The following FAR1 variants were observed in gnomAD, a reference collection of about 807,000 sequenced individuals.
FAR1 encodes the protein male sterility domain-containing protein 2.
A neutral mutation model predicts 61.1 loss-of-function variants in FAR1; 22 were observed. That is an observed-to-expected ratio of 0.36 (90% CI 0.26 to 0.51). The LOEUF (loss-of-function observed/expected upper bound fraction) is 0.51, where lower values mean the gene tolerates loss of function less well. FAR1 is among the 20% of genes least tolerant of loss of function. The pLI is 0.95. For missense variants in FAR1, 359 were observed against 626.9 expected (o/e 0.57, Z 4.56); for synonymous variants, 206 against 209.7 (o/e 0.98, Z 0.15).
Position 13,712,009 on chromosome 11 carries a change from A to G in FAR1, c.850A>G (p.Met284Val). ...TGTTCCTGTAGATGTAGTTGTCAAC[A>G]TGAGTCTTGCGGCAGCCTGGTATTC... The part of the protein sequence containing the change: ...DLVPVDVVVN[M>V]SLAAAWYSGV... Residue 284 changes from methionine to valine, a missense_variant, in exon 7 of 12, where the codon ATG becomes GTG. Met to Val is a conservative substitution (Grantham distance 21, BLOSUM62 1). Transcript: ENST00000354817. The G allele has an allele frequency of 2.5e-6, 4 of 1,613,344 alleles. No individual in the cohort carries two copies. The highest frequency in any genetic ancestry group is 1.3e-5 in the African/African-American group (1 of 75,004).
At chr11:13,706,140 C>G (rs1290866910) in intron 3 of FAR1, among the ~76,000 whole-genome samples, 1 of 151,912 alleles carries the variant, frequency 6.6e-6, no homozygotes, top group Non-Finnish European at 1.5e-5. Context: ...TCTAATTTTA[C>G]TTTTAAAACA....
At chr11:13,713,697 C>T (rs189571572) in intron 8 of FAR1, among the ~76,000 whole-genome samples, 130 of 151,858 alleles carry the variant, frequency 8.6e-4, no homozygotes, top group Non-Finnish European at 1.3e-3. Context: ...GATTAATTAC[C>T]CCTGCAGAAC....
chr11:13,688,277 C>T (rs1191412918), intron 1 of FAR1, among the ~76,000 whole-genome samples: 1 of 151,402 alleles, frequency 6.6e-6, no homozygotes, highest in Non-Finnish European at 1.5e-5. Flanking sequence ...TTGTGTAAGT[C>T]ATTATAGTAG....
intron 11 of FAR1, 65 bp from the exon 12 acceptor site, chr11:13,728,547 C>T: frequency 7.1e-7 from 1 of 1,398,884 alleles, no homozygotes; most frequent in Non-Finnish European, 9.9e-7. Context: ...TATTAATTAG[C>T]TGCCATCTAA....
chr11:13,726,717 G>A (rs1253517520), intron 10 of FAR1, among the ~76,000 whole-genome samples: 2 of 150,854 alleles, frequency 1.3e-5, no homozygotes, highest in African/African-American at 4.9e-5. Context: ...CTCAGATACT[G>A]CTTCTCTTCC....
intron 10 of FAR1, among the ~76,000 whole-genome samples, chr11:13,723,821 A>T (rs1185291333): frequency 6.6e-6 from 1 of 152,120 alleles, no homozygotes; most frequent in Non-Finnish European, 1.5e-5. Flanking sequence ...TATCCAATTG[A>T]ATTTAGAGTT....
At chr11:13,706,015 A>G (rs944753583) in intron 3 of FAR1, among the ~76,000 whole-genome samples, 2 of 152,212 alleles carry the variant, frequency 1.3e-5, no homozygotes, top group African/African-American at 4.8e-5. Context: ...CTTTTAAAAC[A>G]ATAGTTGGAT....
chr11:13,698,353 C>G (rs1848330859), intron 2 of FAR1, among the ~76,000 whole-genome samples: 1 of 152,168 alleles, frequency 6.6e-6, no homozygotes, highest in African/African-American at 2.4e-5. Flanking sequence ...CCTTATCTCT[C>G]AAATTCAGTC....
chr11:13,722,251 C>T (rs572405633), intron 10 of FAR1, among the ~76,000 whole-genome samples: 1 of 152,022 alleles, frequency 6.6e-6, no homozygotes, highest in East Asian at 1.9e-4. Flanking sequence ...CCACATTTTG[C>T]CCTTTGTTAC....
intron 4 of FAR1, among the ~76,000 whole-genome samples, chr11:13,708,918 A>T (rs1031360748): frequency 2.0e-5 from 3 of 152,180 alleles, no homozygotes; most frequent in Non-Finnish European, 4.4e-5. Flanking sequence ...ATAGATAGGG[A>T]TTAAATGAGG....
At chr11:13,668,840 G>C (rs1418121567) in intron 1 of FAR1, 34 bp downstream of exon 1, 1 of 153,290 alleles carries the variant, frequency 6.5e-6, no homozygotes, top group Admixed American at 6.5e-5. Flanking sequence ...GAGCGGCCGG[G>C]CTGCGGGCTC....
chr11:13,710,933 A>G (rs1300614980), intron 5 of FAR1, 63 bp downstream of exon 5: 2 of 1,418,570 alleles, frequency 1.4e-6, no homozygotes, highest in Non-Finnish European at 1.9e-6. Context: ...AACTCTGTAT[A>G]AAAAGAGCTG....
intron 1 of FAR1, among the ~76,000 whole-genome samples, chr11:13,673,346 C>T (rs1223501195): frequency 1.3e-5 from 2 of 152,160 alleles, no homozygotes; most frequent in Non-Finnish European, 2.9e-5. Context: ...TAGCATAATC[C>T]TTCAACAAAT....
intron 7 of FAR1, 144 bp from the exon 8 acceptor site, chr11:13,712,822 A>G: frequency 2.1e-6 from 1 of 477,486 alleles, no homozygotes; most frequent in Non-Finnish European, 3.7e-6. Context: ...TAAAGTAAAA[A>G]CTAATCCTTT....
At chr11:13,728,548 T>C (rs903572108) in intron 11 of FAR1, 64 bp from the exon 12 acceptor site, 1 of 1,413,384 alleles carries the variant, frequency 7.1e-7, no homozygotes, top group Non-Finnish European at 9.8e-7. Context: ...ATTAATTAGC[T>C]GCCATCTAAC....
rs184314545 is a variant in FAR1 at position 13,721,957 on chromosome 11, A to G, written c.1257+98A>G. ...AAATATTTTCCACAGCTATTATGCA[A>G]CAAGTAAGCCATTATTTATAGTCTC... On this transcript the variant is annotated intron_variant, in intron 10 of 11. Coordinates refer to ENST00000354817, the MANE Select transcript of FAR1 (RefSeq NM_032228.6). This position sits in a 1 kb window ranked among gnomAD's most constrained non-coding sequence, Gnocchi z 4.2. 397 of 960,400 alleles carry G rather than the reference A, an allele frequency of 4.1e-4. 1 individual carries two copies. The African/African-American group carries it at 5.9e-3, about 14-fold the overall frequency. 59.5% of individuals were successfully genotyped at this position (960,400 alleles called of 1,614,324 possible).
Position 13,732,307 on chromosome 11 carries a change from A to G in FAR1, c.*3533A>G, listed in dbSNP as rs758776838. 1 of 152,180 alleles carries G rather than the reference A, an allele frequency of 6.6e-6. No individual in the cohort carries two copies. The highest frequency in any genetic ancestry group is 1.5e-5 in the Non-Finnish European group (1 of 68,018). The allele number at this position is 152,180 out of a possible 1,614,324, so 9.4% of individuals were successfully genotyped here. A position where few individuals can be genotyped will look rare whatever the true frequency, so the allele number is the denominator to read the frequency against. On this transcript the variant is annotated 3_prime_UTR_variant, in exon 12 of 12. Transcript: ENST00000354817. ...AGTATAGTTGCGCAAAAATTGTTAA[A>G]TCCTTTGTCTTTATTAAAGAAAAAT...
intron 7 of FAR1, 33 bp downstream of exon 7, chr11:13,712,079 TA>T (rs1351562545): frequency 7.2e-7 from 1 of 1,383,590 alleles, no homozygotes; most frequent in African/African-American, 1.4e-5. Context: ...TTATTAAATA[TA>T]TAGTAACTGA....
intron 1 of FAR1, among the ~76,000 whole-genome samples, chr11:13,672,544 C>CAAAAAAA (rs34377920): frequency 9.0e-6 from 1 of 111,514 alleles, no homozygotes. Flanking sequence ...GACCCTGTCT[C>CAAAAAAA]AAAAAAAAAA....
Sources: gnomAD v4.1 joint callset for allele counts (sites outside exome capture counted in the v4.1 genomes callset) on GRCh38, gnomAD v4.1.1 for gene constraint, Gnocchi (gnomAD v3.1) non-coding constraint, MANE v1.5 for transcripts, NCBI Gene and HGNC (gene_info 2026-07-23, HGNC 2026-07-21) for gene names.